The following TRDN variants were observed in gnomAD, a reference collection of about 807,000 sequenced individuals.
TRDN encodes the protein triadin in skeletal muscle.
Under a neutral mutation model 149.7 loss-of-function variants are expected in TRDN, and 161 were observed. That is an observed-to-expected ratio of 1.08 (90% CI 0.95 to 1.23). The LOEUF is 1.23. TRDN is among the 50% of genes most tolerant of loss of function. The pLI is 0.00. For missense variants in TRDN, 896 were observed against 823.5 expected (o/e 1.09, Z -1.08); for synonymous variants, 294 against 250.5 (o/e 1.17, Z -1.64).
At chr6:123,608,704 G>A (rs1389828533) in intron 1 of TRDN, among the ~76,000 whole-genome samples, 1 of 152,076 alleles carries the variant, frequency 6.6e-6, no homozygotes, top group Non-Finnish European at 1.5e-5. Context: ...AAGAAATGAA[G>A]ATTAACATAT....
chr6:123,440,519 T>C (rs1260815901), intron 10 of TRDN, among the ~76,000 whole-genome samples: 1 of 152,212 alleles, frequency 6.6e-6, no homozygotes, highest in Non-Finnish European at 1.5e-5. Flanking sequence ...TAAATGTATA[T>C]GCCAGACAAT....
At chr6:123,595,954 A>C (rs1397354888) in intron 1 of TRDN, among the ~76,000 whole-genome samples, 2 of 152,082 alleles carry the variant, frequency 1.3e-5, no homozygotes, top group Non-Finnish European at 2.9e-5. Context: ...AAATGTTCAA[A>C]TGGGAGGAAG....
intron 10 of TRDN, among the ~76,000 whole-genome samples, chr6:123,443,472 T>C (rs1234866133): frequency 6.6e-6 from 1 of 151,904 alleles, no homozygotes; most frequent in Admixed American, 6.6e-5. Flanking sequence ...GATCCTGAAA[T>C]GACAGCAGGC....
chr6:123,616,236 T>G (rs1785076228), intron 1 of TRDN, among the ~76,000 whole-genome samples: 1 of 152,044 alleles, frequency 6.6e-6, no homozygotes, highest in African/African-American at 2.4e-5. Context: ...TTGCAGCGAC[T>G]TGGAAGGATC....
chr6:123,255,585 G>A (rs1183397482), intron 36 of TRDN, among the ~76,000 whole-genome samples: 3 of 152,134 alleles, frequency 2.0e-5, no homozygotes, highest in Admixed American at 6.5e-5. Context: ...TAAGAAAAAC[G>A]GCAGCATTTT....
At position 123,344,767 on chromosome 6, in the gene TRDN, A is replaced by C. The variant is rs527806414; in HGVS notation, c.1370-7098T>G. 2.0e-5 allele frequency among the ~76,000 whole-genome samples: 3 copies of C among 152,130 alleles called. No individual in the cohort carries two copies. The East Asian group carries it at 5.8e-4, about 29-fold the overall frequency. The stretch of plus-strand genomic sequence containing the variant: ...GTGTGCAGGTTTTTGCATATACATA[A>C]GTTTTCAGCTTATTTGGATAAATAC... On this transcript the variant is annotated intron_variant, in intron 21 of 40. Coordinates refer to ENST00000334268, the MANE Select transcript of TRDN (RefSeq NM_006073.4).
intron 40 of TRDN, among the ~76,000 whole-genome samples, chr6:123,221,247 T>C (rs1421637628): frequency 6.6e-6 from 1 of 151,820 alleles, no homozygotes; most frequent in African/African-American, 2.4e-5. Flanking sequence ...TAGAAGGATT[T>C]GCGATAAATG....
intron 12 of TRDN, among the ~76,000 whole-genome samples, chr6:123,416,045 T>C (rs1773636530): frequency 1.3e-5 from 2 of 152,154 alleles, no homozygotes; most frequent in Admixed American, 1.3e-4. Flanking sequence ...GACCACCAGA[T>C]GGCACTAGTC....
intron 20 of TRDN, among the ~76,000 whole-genome samples, chr6:123,357,896 G>C (rs768479305): frequency 6.6e-6 from 1 of 152,020 alleles, no homozygotes; most frequent in Non-Finnish European, 1.5e-5. Flanking sequence ...GTTTTTTGTT[G>C]CTCAGAAAAG....
intron 1 of TRDN, among the ~76,000 whole-genome samples, chr6:123,580,338 A>G (rs1337580513): frequency 6.6e-6 from 1 of 152,220 alleles, no homozygotes; most frequent in Non-Finnish European, 1.5e-5. Flanking sequence ...AGTAAAATTT[A>G]AAAGCTGGAA....
At chr6:123,381,227 T>A (rs1360030180) in intron 16 of TRDN, 143 bp downstream of exon 16, 4 of 737,182 alleles carry the variant, frequency 5.4e-6, no homozygotes, top group African/African-American at 1.8e-5. Context: ...CTGTGTATTT[T>A]TTCACTTGGA....
At chr6:123,586,544 A>G (rs983717381) in intron 1 of TRDN, among the ~76,000 whole-genome samples, 10 of 152,146 alleles carry the variant, frequency 6.6e-5, no homozygotes, top group African/African-American at 4.8e-5. Context: ...CCATTTTACA[A>G]CAAGAATTAT....
At position 123,217,156 on chromosome 6, in the gene TRDN, T is replaced by C. The variant is rs906758114; in HGVS notation, c.*1445A>G. On this transcript the variant is annotated 3_prime_UTR_variant, in exon 41 of 41. Transcript: ENST00000334268. ...CGTGGTGTGAATGTGGTCCACCAGC[T>C]TTTGGCAGAGACCAACTTCTTTCAC... 1 of 151,978 alleles carries C rather than the reference T, an allele frequency of 6.6e-6. No homozygotes were observed. Among genetic ancestry groups the C allele is most frequent in the African/African-American group, 2.4e-5 (1 of 41,416 alleles). The allele number at this position is 151,978 out of a possible 1,614,324, so 9.4% of individuals were successfully genotyped here.
At chr6:123,516,085 G>C in intron 6 of TRDN, 56 bp downstream of exon 6, 3 of 1,384,306 alleles carry the variant, frequency 2.2e-6, no homozygotes, top group Non-Finnish European at 2.8e-6. Context: ...GTAAAGAGTA[G>C]GAAGTCAATG....
intron 38 of TRDN, among the ~76,000 whole-genome samples, chr6:123,225,784 T>G (rs1775335883): frequency 6.6e-6 from 1 of 150,864 alleles, no homozygotes; most frequent in East Asian, 1.9e-4. Flanking sequence ...TGTAAATCAC[T>G]TGGTCTTTTC....
intron 24 of TRDN, among the ~76,000 whole-genome samples, chr6:123,302,999 A>G (rs1004674074): frequency 2.0e-5 from 3 of 152,128 alleles, no homozygotes; most frequent in Admixed American, 6.6e-5. Flanking sequence ...TCATTATGTC[A>G]CATTTAGATA....
chr6:123,614,288 T>TAAAA (rs1216969453), intron 1 of TRDN, among the ~76,000 whole-genome samples: 34 of 59,276 alleles, frequency 5.7e-4, no homozygotes, highest in African/African-American at 8.2e-4. Flanking sequence ...AGTGCTTCAT[T>TAAAA]AAAAAAAAAA....
rs143190852 is a variant in TRDN, at chr6:123,254,075, G to A, written c.1951+1006C>T. 7.2e-3 allele frequency among the ~76,000 whole-genome samples: 1,098 copies of A among 151,994 alleles called. 4 individuals carry two copies. Among genetic ancestry groups the A allele is most frequent in the Admixed American group, 0.015 (222 of 15,226 alleles). ...CATCTTTAAACTGGGCATGATAATT[G>A]GGCCTTACTAAGAATCAAGTAAACA... is the stretch of plus-strand genomic sequence containing the variant. On this transcript the variant is annotated intron_variant, in intron 37 of 40. Transcript: ENST00000334268.
chr6:123,497,328 C>T (rs1295641530), intron 8 of TRDN, 76 bp from the exon 9 acceptor site: 4 of 1,002,906 alleles, frequency 4.0e-6, no homozygotes, highest in Non-Finnish European at 5.6e-6. Flanking sequence ...AATAATTTAA[C>T]AAAGCAAACA....
Sources: allele counts gnomAD v4.1 joint callset (sites outside exome capture counted in the v4.1 genomes callset), GRCh38; gene constraint gnomAD v4.1.1; transcripts MANE v1.5; gene names NCBI Gene and HGNC (gene_info 2026-07-23, HGNC 2026-07-21).